Variants in CHST9 observed in about 807,000 individuals in gnomAD.
The protein encoded by CHST9 is GalNAc-4-sulfotransferase 2.
Under a neutral mutation model 44.4 loss-of-function variants are expected in CHST9, and 41 were observed. That is an observed-to-expected ratio of 0.92 (90% CI 0.72 to 1.20). The LOEUF (loss-of-function observed/expected upper bound fraction) is 1.20, where lower values mean the gene tolerates loss of function less well. Ranked by LOEUF, CHST9 falls within the 50% of genes most tolerant of loss-of-function variation. The pLI, the probability that CHST9 is intolerant of heterozygous loss-of-function variation, is 0.00. For synonymous variants in CHST9, 171 were observed against 178.4 expected (o/e 0.96, Z 0.33); for missense variants, 504 against 516.5 (o/e 0.98, Z 0.23).
chr18:26,968,837 G>A (rs1376316904), intron 4 of CHST9, among the ~76,000 whole-genome samples: 2 of 152,124 alleles, frequency 1.3e-5, no homozygotes, highest in Non-Finnish European at 2.9e-5. Flanking sequence ...ATCCAGATAT[G>A]TTTTTCTTCC....
intron 1 of CHST9, 156 bp from the exon 2 acceptor site, chr18:27,143,061 C>A (rs921649530): frequency 7.4e-6 from 2 of 270,582 alleles, no homozygotes; most frequent in Non-Finnish European, 1.4e-5. Context: ...CCTAGAATGG[C>A]AATTTTCTAT....
chr18:27,107,809 T>G (rs1464422161), intron 2 of CHST9, among the ~76,000 whole-genome samples: 1 of 152,218 alleles, frequency 6.6e-6, no homozygotes, highest in Non-Finnish European at 1.5e-5. Flanking sequence ...TCTAATGGAA[T>G]GTGTTTCCTT....
chr18:26,948,558 A>G (rs2056198827), intron 4 of CHST9, among the ~76,000 whole-genome samples: 1 of 152,136 alleles, frequency 6.6e-6, no homozygotes, highest in African/African-American at 2.4e-5. Flanking sequence ...GAAGAGACAA[A>G]TAAGAGCCAA....
At chr18:26,941,323 A>T (rs1008452754) in intron 5 of CHST9, among the ~76,000 whole-genome samples, 9 of 152,206 alleles carry the variant, frequency 5.9e-5, no homozygotes, top group African/African-American at 2.2e-4. Flanking sequence ...CTGCACAAAC[A>T]CAAGGTATTA....
At chr18:26,973,100 G>C (rs1786632) in intron 4 of CHST9, among the ~76,000 whole-genome samples, 52,764 of 152,014 alleles carry the variant, frequency 0.35, 9,799 homozygotes, top group East Asian at 0.47. Flanking sequence ...CCGTTGGAGA[G>C]GCTTTCCCTG....
intron 3 of CHST9, among the ~76,000 whole-genome samples, chr18:27,035,077 C>T (rs544714297): frequency 2.0e-5 from 3 of 152,252 alleles, no homozygotes; most frequent in Admixed American, 1.3e-4. Flanking sequence ...GAGGAATTTC[C>T]ATATGGTTTT....
chr18:26,998,496 T>C (rs1210252206), intron 4 of CHST9, among the ~76,000 whole-genome samples: 1 of 151,416 alleles, frequency 6.6e-6, no homozygotes, highest in Non-Finnish European at 1.5e-5. Flanking sequence ...GAGGCTGAGG[T>C]GGGAGGATCA....
chr18:26,958,994 T>A (rs2056364922), intron 4 of CHST9, among the ~76,000 whole-genome samples: 1 of 152,160 alleles, frequency 6.6e-6, no homozygotes, highest in South Asian at 2.1e-4. Context: ...AAGAAATTGT[T>A]CTACCAAAAA....
rs776706389 is a variant in CHST9 at position 27,100,236 on chromosome 18, A to C, written c.121+42453T>G. Among the ~76,000 whole-genome samples, 41 of 152,254 alleles carry C rather than the reference A, an allele frequency of 2.7e-4. 1 individual carries two copies. Among genetic ancestry groups the C allele is most frequent in the Middle Eastern group, 6.8e-3 (2 of 294 alleles). On this transcript the variant is annotated intron_variant, in intron 2 of 5. Transcript: ENST00000618847. The stretch of plus-strand genomic sequence containing the variant: ...TACTTATGGACATAAATAGGACAAC[A>C]ATTGTGACTGGGGACTTCTAGAGTG...
intron 4 of CHST9, among the ~76,000 whole-genome samples, chr18:27,019,859 A>G (rs2057202832): frequency 6.6e-6 from 1 of 152,224 alleles, no homozygotes; most frequent in East Asian, 1.9e-4. Context: ...AGATATGTAA[A>G]GGATAGAAAC....
At chr18:26,980,855 C>T (rs377006131) in intron 4 of CHST9, among the ~76,000 whole-genome samples, 5 of 152,172 alleles carry the variant, frequency 3.3e-5, no homozygotes, top group African/African-American at 9.7e-5. Context: ...AGCAACCCAT[C>T]GGCCAAAACG....
intron 1 of CHST9, among the ~76,000 whole-genome samples, chr18:27,162,738 T>C (rs1056536284): frequency 6.6e-6 from 1 of 152,230 alleles, no homozygotes; most frequent in Non-Finnish European, 1.5e-5. Flanking sequence ...GGTTTTTAAC[T>C]TCTTTGCCAT....
chr18:27,179,952 T>C lies in CHST9; in HGVS notation c.-97+5184A>G, dbSNP rs2058899010. ...TTAACATTAGTTAACAACATGGAAATGTTCCAGAAAGTACTTTTGGGATTT... is the reference window on the plus strand; with the variant it reads ...TTAACATTAGTTAACAACATGGAAACGTTCCAGAAAGTACTTTTGGGATTT... On this transcript the variant is annotated intron_variant, in intron 1 of 5. Transcript: ENST00000618847. Among the ~76,000 whole-genome samples, 3 of 152,142 alleles carry C rather than the reference T, an allele frequency of 2.0e-5. No individual in the cohort carries two copies. In the South Asian group the frequency reaches 6.2e-4, roughly 31 times the overall value.
rs181923004 is a variant in CHST9 at position 27,183,048 on chromosome 18, G to C, written c.-97+2088C>G. ...TGCTACCCTTGTGACCAGGAAGAAA[G>C]GAAAAGAAGGTCATCAGGAGGGCCC... is the stretch of plus-strand genomic sequence containing the variant. On this transcript the variant is annotated intron_variant, in intron 1 of 5. Coordinates refer to ENST00000618847, the MANE Select transcript of CHST9 (RefSeq NM_031422.6). 1.8e-3 allele frequency among the ~76,000 whole-genome samples: 267 copies of C among 151,918 alleles called. 1 individual carries two copies. The highest frequency in any genetic ancestry group is 2.7e-3 in the Non-Finnish European group (184 of 67,962).
At chr18:27,084,604 T>G (rs957628498) in intron 2 of CHST9, among the ~76,000 whole-genome samples, 5 of 151,958 alleles carry the variant, frequency 3.3e-5, no homozygotes, top group Admixed American at 2.6e-4. Flanking sequence ...AAACAATTTT[T>G]GGTCTCATTG....
intron 3 of CHST9, among the ~76,000 whole-genome samples, chr18:27,041,633 T>C (rs374679759): frequency 3.1e-4 from 47 of 152,290 alleles, no homozygotes; most frequent in African/African-American, 8.9e-4. Context: ...ACTTTGACTA[T>C]GTGGTGTGAC....
intron 4 of CHST9, among the ~76,000 whole-genome samples, chr18:27,009,039 T>G (rs1175744): frequency 0.34 from 51,965 of 151,882 alleles, 9,565 homozygotes; most frequent in East Asian, 0.47. Flanking sequence ...AATATACCTC[T>G]ATAGTTCAGG....
chr18:27,004,854 T>A (rs186423333), intron 4 of CHST9, among the ~76,000 whole-genome samples: 1 of 152,294 alleles, frequency 6.6e-6, no homozygotes, highest in Admixed American at 6.5e-5. Flanking sequence ...AAATTCACAG[T>A]CCCTTAGAAT....
intron 3 of CHST9, among the ~76,000 whole-genome samples, chr18:27,031,726 G>C (rs758492096): frequency 1.8e-4 from 27 of 152,126 alleles, no homozygotes; most frequent in Non-Finnish European, 4.4e-5. Context: ...AATTCTGAAA[G>C]TCCCCTGAAT....
Sources: allele counts gnomAD v4.1 joint callset (sites outside exome capture counted in the v4.1 genomes callset), GRCh38; gene constraint gnomAD v4.1.1; transcripts MANE v1.5; gene names NCBI Gene and HGNC (gene_info 2026-07-23, HGNC 2026-07-21).